PHACTR4: variants seen among roughly 807,000 people sequenced by gnomAD.
PHACTR4 encodes protein phosphatase 1, regulatory subunit 124.
In PHACTR4, 51 loss-of-function variants were observed where a neutral mutation model predicts 72.7. The observed-to-expected ratio is 0.70, with a 90% CI of 0.56 to 0.89. The LOEUF is 0.89. Among genes scored for constraint, PHACTR4 ranks in the 40% least tolerant of loss-of-function variants. PHACTR4 has a pLI of 0.00. For missense variants in PHACTR4, 731 were observed against 861.8 expected, an observed-to-expected ratio of 0.85 and a Z score of 1.90; for synonymous variants, 255 against 302.5, an observed-to-expected ratio of 0.84 and a Z score of 1.63.
chr1:28,458,320 G>A (rs533547303), intron 2 of PHACTR4, among the ~76,000 whole-genome samples: 3 of 151,998 alleles, frequency 2.0e-5, no homozygotes, highest in African/African-American at 7.2e-5. Context: ...TTTTGTTTTT[G>A]TATTATTTGT....
At chr1:28,478,579 G>A (rs1660069574) in intron 8 of PHACTR4, among the ~76,000 whole-genome samples, 1 of 152,082 alleles carries the variant, frequency 6.6e-6, no homozygotes, top group African/African-American at 2.4e-5. Context: ...TTACAGGTGT[G>A]TATCACCATG....
chr1:28,460,161 T>A, intron 3 of PHACTR4, 51 bp from the exon 4 acceptor site: 1 of 1,282,702 alleles, frequency 7.8e-7, no homozygotes. Context: ...AAGTGTAAGG[T>A]TGACTTTCAA....
chr1:28,386,752 A>T (rs1242254255), intron 1 of PHACTR4, among the ~76,000 whole-genome samples: 1 of 152,150 alleles, frequency 6.6e-6, no homozygotes, highest in African/African-American at 2.4e-5. Context: ...TGTTTTTATT[A>T]GTCTTGTGAT....
At chr1:28,459,061 C>A (rs988879971) in intron 2 of PHACTR4, 24 bp from the exon 3 acceptor site, 3 of 1,568,892 alleles carry the variant, frequency 1.9e-6, no homozygotes, top group Non-Finnish European at 2.6e-6. Context: ...TTGCTTCCTT[C>A]CCTCTCTTCT....
intron 1 of PHACTR4, among the ~76,000 whole-genome samples, chr1:28,403,381 A>G (rs1349800277): frequency 6.6e-6 from 1 of 152,070 alleles, no homozygotes; most frequent in Non-Finnish European, 1.5e-5. Flanking sequence ...ACCCCTGAGA[A>G]GGTTGTGACC....
intron 2 of PHACTR4, among the ~76,000 whole-genome samples, chr1:28,427,467 A>G (rs992296814): frequency 9.2e-5 from 14 of 152,182 alleles, no homozygotes; most frequent in Non-Finnish European, 1.2e-4. Context: ...CGGACGTTGC[A>G]GTAAGCTGAA....
intron 2 of PHACTR4, among the ~76,000 whole-genome samples, chr1:28,423,951 C>T (rs1655672257): frequency 6.6e-6 from 1 of 152,110 alleles, no homozygotes; most frequent in Non-Finnish European, 1.5e-5. Context: ...TCACACATAA[C>T]AGAGTAGATA....
intron 1 of PHACTR4, among the ~76,000 whole-genome samples, chr1:28,380,673 CTTG>C (rs1330802466): frequency 1.3e-5 from 2 of 152,154 alleles, no homozygotes; most frequent in African/African-American, 2.4e-5. Context: ...AGGACATGAT[CTTG>C]TTGTTTTTTA....
intron 1 of PHACTR4, among the ~76,000 whole-genome samples, chr1:28,397,836 C>CA (rs1485441799): frequency 6.6e-6 from 1 of 151,880 alleles, no homozygotes; most frequent in Non-Finnish European, 1.5e-5. Flanking sequence ...GCTGGGACTA[C>CA]AGGTGCGTGC....
At chr1:28,462,132 C>T (rs573420836) in intron 4 of PHACTR4, among the ~76,000 whole-genome samples, 65 of 152,130 alleles carry the variant, frequency 4.3e-4, no homozygotes, top group African/African-American at 1.4e-3. Context: ...CTCAGCCTCC[C>T]GAGGAGCTGT....
At chr1:28,443,473 A>T (rs190437984) in intron 2 of PHACTR4, among the ~76,000 whole-genome samples, 3 of 150,596 alleles carry the variant, frequency 2.0e-5, no homozygotes, top group Non-Finnish European at 4.4e-5. Flanking sequence ...CTTGAGACAG[A>T]ATCCCACTCT....
At chr1:28,388,576 G>T (rs1300569591) in intron 1 of PHACTR4, among the ~76,000 whole-genome samples, 2 of 152,192 alleles carry the variant, frequency 1.3e-5, no homozygotes, top group East Asian at 3.8e-4. Context: ...CTCTGGCTGG[G>T]CACGGTGGCT....
At chr1:28,450,258 C>A (rs985930085) in intron 2 of PHACTR4, among the ~76,000 whole-genome samples, 2 of 151,918 alleles carry the variant, frequency 1.3e-5, no homozygotes, top group Non-Finnish European at 2.9e-5. Flanking sequence ...CATCCTACAC[C>A]CTGATTTCTG....
chr1:28,402,375 C>G (rs1219827726), intron 1 of PHACTR4, among the ~76,000 whole-genome samples: 2 of 152,060 alleles, frequency 1.3e-5, no homozygotes, highest in Non-Finnish European at 2.9e-5. Flanking sequence ...GTAGATATAT[C>G]AGTCTGTTGA....
chr1:28,484,510 G>A (rs1350573256), intron 9 of PHACTR4, among the ~76,000 whole-genome samples: 2 of 147,560 alleles, frequency 1.4e-5, no homozygotes, highest in Admixed American at 1.3e-4. Context: ...GTATATATAT[G>A]TGTGTATGTG....
chr1:28,379,803 A>G (rs1475860234), intron 1 of PHACTR4, among the ~76,000 whole-genome samples: 1 of 149,624 alleles, frequency 6.7e-6, no homozygotes, highest in Non-Finnish European at 1.5e-5. Context: ...GTTAGCCAGG[A>G]TGATCTCGAT....
chr1:28,472,594 C>T (rs1659629595), intron 6 of PHACTR4, among the ~76,000 whole-genome samples: 1 of 147,594 alleles, frequency 6.8e-6, no homozygotes, highest in East Asian at 1.9e-4. Flanking sequence ...TAATGGAGTA[C>T]TGTTATACAA....
chr1:28,399,377 G>T (rs1166074260), intron 1 of PHACTR4, among the ~76,000 whole-genome samples: 1 of 152,108 alleles, frequency 6.6e-6, no homozygotes, highest in Non-Finnish European at 1.5e-5. Context: ...AATATTTTTT[G>T]AGTTTAGTAT....
In PHACTR4 at chr1:28,459,155, T is replaced by A; in HGVS notation, c.87T>A (p.Pro29=). Residue 29 remains proline, a synonymous_variant, in exon 3 of 14, where the codon CCT becomes CCA. Coordinates refer to ENST00000373839, the MANE Select transcript of PHACTR4 (RefSeq NM_001048183.3). ...LDSVEAGDTT[P]PTKRKSKFSG... ...GTGTGGAAGCAGGAGACACAACACCTCCTACCAAAAGGAAGAGCAAGTTCT... is the reference window on the plus strand; with the variant it reads ...GTGTGGAAGCAGGAGACACAACACCACCTACCAAAAGGAAGAGCAAGTTCT... 6.2e-7 allele frequency: 1 copy of A among 1,613,642 alleles called. No individual in the cohort carries two copies. Among genetic ancestry groups the A allele is most frequent in the African/African-American group, 1.3e-5 (1 of 74,898 alleles).
Sources: allele counts gnomAD v4.1 joint callset (sites outside exome capture counted in the v4.1 genomes callset), GRCh38; gene constraint gnomAD v4.1.1; transcripts MANE v1.5; gene names NCBI Gene and HGNC (gene_info 2026-07-23, HGNC 2026-07-21).